Variants in HPSE2 observed in about 807,000 individuals in gnomAD.
HPSE2 encodes heparanase 2 (inactive).
In HPSE2, 38 loss-of-function variants were observed where a neutral mutation model predicts 60.5. That is an observed-to-expected ratio of 0.63 (90% CI 0.48 to 0.82). The LOEUF (loss-of-function observed/expected upper bound fraction) is 0.82. Among genes scored for constraint, HPSE2 ranks in the 40% least tolerant of loss-of-function variants. The probability of loss-of-function intolerance (pLI) is 0.00; values close to 1 mark genes in which losing one functional copy is unlikely to be tolerated. For synonymous variants in HPSE2, 295 were observed against 293.2 expected (o/e 1.01, Z -0.06); for missense variants, 713 against 740.4 (o/e 0.96, Z 0.43).
At chr10:98,482,519 C>G in intron 11 of HPSE2, 117 bp downstream of exon 11, 1 of 1,283,670 alleles carries the variant, frequency 7.8e-7, no homozygotes, top group Non-Finnish European at 1.1e-6. Context: ...CGCTCTTTGT[C>G]CTACTCCATC....
intron 3 of HPSE2, among the ~76,000 whole-genome samples, chr10:98,761,427 T>G (rs940622515): frequency 3.3e-5 from 5 of 152,168 alleles, no homozygotes; most frequent in African/African-American, 1.2e-4. Flanking sequence ...CTGCTAACTT[T>G]CGGTTTCATT....
intron 9 of HPSE2, among the ~76,000 whole-genome samples, chr10:98,611,098 G>T (rs952420669): frequency 8.5e-5 from 13 of 152,182 alleles, no homozygotes; most frequent in Admixed American, 3.9e-4. Context: ...TGTTGGGGGG[G>T]GCCAGGGGAA....
At chr10:99,159,283 A>G (rs1234128933) in intron 2 of HPSE2, among the ~76,000 whole-genome samples, 2 of 152,196 alleles carry the variant, frequency 1.3e-5, no homozygotes, top group Non-Finnish European at 2.9e-5. Flanking sequence ...AAGAAGACAC[A>G]AATTACCAAA....
chr10:99,271,820 A>G, the HPSE2 span, among the ~76,000 whole-genome samples: 3 of 152,234 alleles, frequency 2.0e-5, no homozygotes, highest in African/African-American at 7.2e-5. Context: ...GGAACAGAAT[A>G]GAGAACCCAG....
At chr10:98,612,510 T>TC (rs1185068892) in intron 9 of HPSE2, among the ~76,000 whole-genome samples, 1 of 152,200 alleles carries the variant, frequency 6.6e-6, no homozygotes, top group Non-Finnish European at 1.5e-5. Context: ...CATTGTAAAC[T>TC]CCAAGAGTTC....
At chr10:98,729,040 C>G (rs1035958232) in intron 4 of HPSE2, among the ~76,000 whole-genome samples, 1 of 150,844 alleles carries the variant, frequency 6.6e-6, no homozygotes, top group African/African-American at 2.5e-5. Context: ...AAGAAAAGAA[C>G]AAAACAATGA....
intron 3 of HPSE2, among the ~76,000 whole-genome samples, chr10:98,813,166 T>C (rs971084433): frequency 3.3e-5 from 5 of 152,158 alleles, no homozygotes; most frequent in African/African-American, 9.7e-5. Context: ...GGAAAACTGC[T>C]TTCTGATCTA....
At chr10:98,749,732 A>G (rs1949709991) in intron 3 of HPSE2, among the ~76,000 whole-genome samples, 1 of 150,708 alleles carries the variant, frequency 6.6e-6, no homozygotes, top group Non-Finnish European at 1.5e-5. Flanking sequence ...ATTTTGCCCA[A>G]CAGTAGGCTG....
intron 3 of HPSE2, among the ~76,000 whole-genome samples, chr10:99,096,288 A>G (rs1042437281): frequency 2.6e-5 from 4 of 152,198 alleles, no homozygotes; most frequent in African/African-American, 9.6e-5. Flanking sequence ...TTGTTTTCTT[A>G]TCTAGCATTC....
At chr10:99,204,849 CTA>C (rs1240994488) in intron 2 of HPSE2, among the ~76,000 whole-genome samples, 2 of 152,150 alleles carry the variant, frequency 1.3e-5, no homozygotes, top group Non-Finnish European at 2.9e-5. Context: ...AGATAGTAGT[CTA>C]TGTTATTTAC....
chr10:98,760,116 G>A (rs1449315874), intron 3 of HPSE2, among the ~76,000 whole-genome samples: 1 of 151,880 alleles, frequency 6.6e-6, no homozygotes, highest in East Asian at 1.9e-4. Context: ...ACTGATATTT[G>A]TATGTTGATT....
chr10:98,460,058 G>A (rs1222603722), intron 11 of HPSE2, among the ~76,000 whole-genome samples: 2 of 151,992 alleles, frequency 1.3e-5, no homozygotes, highest in African/African-American at 4.8e-5. Context: ...TACCTCCATA[G>A]ACACATTTAG....
chr10:99,267,802 A>C, the HPSE2 span, among the ~76,000 whole-genome samples: 2 of 150,056 alleles, frequency 1.3e-5, no homozygotes, highest in African/African-American at 2.5e-5. Context: ...AAAAACAAAC[A>C]AAAAAAAACA....
intron 11 of HPSE2, among the ~76,000 whole-genome samples, chr10:98,478,594 C>T (rs1199083171): frequency 1.3e-5 from 2 of 152,194 alleles, no homozygotes; most frequent in Non-Finnish European, 2.9e-5. Context: ...AAAACGAGCT[C>T]ATTTTGAAGT....
intron 6 of HPSE2, among the ~76,000 whole-genome samples, chr10:98,664,104 C>A (rs474898): frequency 0.18 from 28,078 of 151,890 alleles, 3,067 homozygotes; most frequent in East Asian, 0.33. Flanking sequence ...CTCTTTGTTA[C>A]CCTGGTAGGC....
the HPSE2 span, among the ~76,000 whole-genome samples, chr10:99,244,252 C>T: frequency 6.6e-5 from 10 of 151,780 alleles, no homozygotes; most frequent in Admixed American, 2.0e-4. Flanking sequence ...CTCCTGACCT[C>T]GTGATCCGCC....
intron 3 of HPSE2, among the ~76,000 whole-genome samples, chr10:98,992,964 AAT>A (rs1191159483): frequency 2.6e-5 from 4 of 152,184 alleles, no homozygotes; most frequent in Non-Finnish European, 5.9e-5. Flanking sequence ...ACAGTTAACC[AAT>A]ATCCAGTTTC....
chr10:98,944,473 T>A (rs960635793), intron 3 of HPSE2, among the ~76,000 whole-genome samples: 4 of 152,174 alleles, frequency 2.6e-5, no homozygotes, highest in Non-Finnish European at 4.4e-5. Flanking sequence ...CTGCCTTAGG[T>A]GAATTATAGT....
At chr10:98,852,165 GTA>G (rs67500258) in intron 3 of HPSE2, among the ~76,000 whole-genome samples, 17,848 of 117,996 alleles carry the variant, frequency 0.15, 1,374 homozygotes, top group African/African-American at 0.17. Context: ...GTGTGTGTGT[GTA>G]TATATGTTTG....
Sources: allele counts gnomAD v4.1 joint callset (sites outside exome capture counted in the v4.1 genomes callset), GRCh38; gene constraint gnomAD v4.1.1; transcripts MANE v1.5; gene names NCBI Gene and HGNC (gene_info 2026-07-23, HGNC 2026-07-21).